Variants in MAGI1 observed in about 807,000 individuals in gnomAD.
The protein encoded by MAGI1 is membrane associated guanylate kinase, WW and PDZ domain containing 1.
MAGI1 carries 58 observed loss-of-function variants against 139.9 expected under a neutral mutation model. The observed-to-expected ratio is 0.41, with a 90% CI of 0.34 to 0.52. The LOEUF is 0.52. MAGI1 is among the 20% of genes least tolerant of loss of function. MAGI1 has a pLI of 0.12. For synonymous variants in MAGI1, 812 were observed against 737.9 expected (o/e 1.10, Z -1.63); for missense variants, 1,874 against 1,901.6 (o/e 0.99, Z 0.27).
chr3:65,424,256 CATT>C (rs1330950381), intron 12 of MAGI1, among the ~76,000 whole-genome samples: 4 of 152,180 alleles, frequency 2.6e-5, no homozygotes, highest in Non-Finnish European at 5.9e-5. Context: ...TTTTAACTCT[CATT>C]ATCATTTTTC....
intron 2 of MAGI1, among the ~76,000 whole-genome samples, chr3:65,494,592 T>C (rs1205598085): frequency 6.6e-6 from 1 of 152,248 alleles, no homozygotes; most frequent in Non-Finnish European, 1.5e-5. Flanking sequence ...ACAGAGCTCA[T>C]TTAGCAAGGC....
At chr3:65,530,757 GTA>G (rs746807479) in intron 2 of MAGI1, among the ~76,000 whole-genome samples, 1,721 of 19,182 alleles carry the variant, frequency 0.09, 134 homozygotes, top group African/African-American at 0.2. Context: ...ATATATACAC[GTA>G]TATATATATA....
intron 1 of MAGI1, among the ~76,000 whole-genome samples, chr3:65,785,809 C>T (rs182811405): frequency 3.3e-5 from 5 of 152,326 alleles, no homozygotes. Context: ...CCATACCAAA[C>T]ATCACAATCA....
At chr3:65,681,788 A>G (rs796523846) in intron 1 of MAGI1, among the ~76,000 whole-genome samples, 1 of 152,234 alleles carries the variant, frequency 6.6e-6, no homozygotes, top group South Asian at 2.1e-4. Context: ...TAGATGCCCA[A>G]GTGAGTAGAT....
At chr3:65,978,624 T>TC (rs1438416623) in intron 1 of MAGI1, among the ~76,000 whole-genome samples, 1 of 145,746 alleles carries the variant, frequency 6.9e-6, no homozygotes, top group Non-Finnish European at 1.5e-5. Flanking sequence ...AAAATTTCTT[T>TC]TTTTTTTTTT....
chr3:65,622,523 C>T (rs935960417), intron 1 of MAGI1, among the ~76,000 whole-genome samples: 2 of 152,088 alleles, frequency 1.3e-5, no homozygotes, highest in Non-Finnish European at 2.9e-5. Context: ...TACTTGTAAT[C>T]TCTTCAAATT....
intron 1 of MAGI1, among the ~76,000 whole-genome samples, chr3:65,823,148 AATATTGAAATATAT>A (rs796853544): frequency 5.3e-4 from 80 of 152,330 alleles, no homozygotes; most frequent in African/African-American, 1.8e-3. Context: ...CTTAGATGTA[AATATTGAAATATAT>A]ATCATATAAA....
At chr3:65,776,915 GGGCTCCCTATTTCTA>G (rs1229041456) in intron 1 of MAGI1, among the ~76,000 whole-genome samples, 2 of 152,208 alleles carry the variant, frequency 1.3e-5, no homozygotes, top group East Asian at 3.9e-4. Flanking sequence ...GCACTGAACA[GGGCTCCCTATTTCTA>G]TTATACTACA....
intron 1 of MAGI1, among the ~76,000 whole-genome samples, chr3:65,863,288 A>G (rs2059614509): frequency 6.6e-6 from 1 of 152,194 alleles, no homozygotes; most frequent in Non-Finnish European, 1.5e-5. Context: ...CTACAAGACT[A>G]TTACTTATGA....
intron 1 of MAGI1, among the ~76,000 whole-genome samples, chr3:65,755,980 C>G (rs1033803343): frequency 6.6e-6 from 1 of 152,188 alleles, no homozygotes; most frequent in Admixed American, 6.5e-5. Flanking sequence ...TTTCTTACTT[C>G]TAGATAAGCT....
intron 2 of MAGI1, among the ~76,000 whole-genome samples, chr3:65,522,308 G>A (rs1289111578): frequency 6.6e-6 from 1 of 152,076 alleles, no homozygotes; most frequent in African/African-American, 2.4e-5. Context: ...CTTTCTTCAC[G>A]GAGCATTTCA....
intron 2 of MAGI1, among the ~76,000 whole-genome samples, chr3:65,550,185 T>G (rs916990494): frequency 6.6e-6 from 1 of 152,186 alleles, no homozygotes; most frequent in East Asian, 1.9e-4. Context: ...GCCTCAAATC[T>G]GATGCATCTC....
At chr3:65,854,899 G>A (rs1281892072) in intron 1 of MAGI1, among the ~76,000 whole-genome samples, 1 of 152,210 alleles carries the variant, frequency 6.6e-6, no homozygotes. Flanking sequence ...ATGACACCTT[G>A]GAAACGTAAA....
In MAGI1 at chr3:65,593,646, C is replaced by T. The variant is rs571128676; in HGVS notation, c.430+28326G>A. 2.0e-5 allele frequency among the ~76,000 whole-genome samples: 3 copies of T among 152,232 alleles called. No homozygotes were observed. In the South Asian group the frequency reaches 6.2e-4, roughly 32 times the overall value. Reference sequence around the variant, plus strand: ...TTGCTTTGATAATTACAATAGCACTCTAGGAAACAGCCTGAACTTCATAAT... The same window carrying T: ...TTGCTTTGATAATTACAATAGCACTTTAGGAAACAGCCTGAACTTCATAAT... On this transcript the variant is annotated intron_variant, in intron 2 of 22. Coordinates refer to ENST00000402939, the MANE Select transcript of MAGI1 (RefSeq NM_001033057.2).
chr3:65,417,131 TCAA>T (rs1042726198), intron 12 of MAGI1, among the ~76,000 whole-genome samples: 3 of 152,118 alleles, frequency 2.0e-5, no homozygotes, highest in Admixed American at 2.0e-4. Context: ...AAAGAGAAGT[TCAA>T]CAAAGTGAGG....
At chr3:65,554,168 C>T (rs190890982) in intron 2 of MAGI1, among the ~76,000 whole-genome samples, 184 of 152,252 alleles carry the variant, frequency 1.2e-3, no homozygotes, top group Non-Finnish European at 1.7e-3. Flanking sequence ...TATTCACCTC[C>T]CTTAGGAGAG....
intron 1 of MAGI1, among the ~76,000 whole-genome samples, chr3:66,024,186 T>C (rs946526499): frequency 1.5e-4 from 22 of 151,718 alleles, no homozygotes; most frequent in African/African-American, 9.7e-5. Flanking sequence ...GAGACAAATA[T>C]ATAAACAAGG....
intron 1 of MAGI1, among the ~76,000 whole-genome samples, chr3:65,886,625 G>A (rs1223259383): frequency 6.6e-6 from 1 of 152,164 alleles, no homozygotes; most frequent in African/African-American, 2.4e-5. Flanking sequence ...CTCTCCTCTT[G>A]TCTCCGTCTC....
intron 3 of MAGI1, among the ~76,000 whole-genome samples, chr3:65,489,643 C>A (rs1951862462): frequency 6.6e-6 from 1 of 152,054 alleles, no homozygotes; most frequent in Non-Finnish European, 1.5e-5. Context: ...GGACACTATG[C>A]AGCATTTATA....
Sources: gnomAD v4.1 joint callset for allele counts (sites outside exome capture counted in the v4.1 genomes callset) on GRCh38, gnomAD v4.1.1 for gene constraint, MANE v1.5 for transcripts, NCBI Gene and HGNC (gene_info 2026-07-23, HGNC 2026-07-21) for gene names.